Variants in HAUS6 observed in about 807,000 individuals in gnomAD.
HAUS6 encodes the protein HAUS augmin-like complex subunit 6.
HAUS6 carries 80 observed loss-of-function variants against 106.8 expected under a neutral mutation model. The observed-to-expected ratio is 0.75, with a 90% CI of 0.63 to 0.90. HAUS6 has a LOEUF of 0.90. Ranked by LOEUF, HAUS6 falls within the 40% of genes least tolerant of loss-of-function variation. The pLI is 0.00. For missense variants in HAUS6, 1,155 were observed against 1,118.1 expected (o/e 1.03, Z -0.47); for synonymous variants, 356 against 379.1 (o/e 0.94, Z 0.71).
At chr9:19,059,338 A>G (rs1836555502) in intron 15 of HAUS6, among the ~76,000 whole-genome samples, 2 of 152,250 alleles carry the variant, frequency 1.3e-5, no homozygotes, top group South Asian at 4.1e-4. Context: ...CCAGATAGCA[A>G]TATTTTAGGC....
rs756283139 is a variant in HAUS6, at chr9:19,076,620, A to T, written c.1276T>A (p.Tyr426Asn). The T allele has an allele frequency of 6.4e-7, 1 of 1,554,900 alleles. No individual in the cohort carries two copies. Among genetic ancestry groups the T allele is most frequent in the South Asian group, 1.1e-5 (1 of 88,512 alleles). The change falls in exon 11 of 17, where the codon TAT becomes AAT. Residue 426 changes from tyrosine to asparagine, a missense_variant. This residue lies in a region of HAUS6 where 761 missense variants were observed against 690.0 expected (regional missense o/e 1.10). Transcript: ENST00000380502. ...AACCAACCTGGAAGTGAAGCAGGAT[A>T]CTGACAAAGAATACTCTTTGCATAC... ...EVYAKSILCQ[Y>N]PASLPDAHKQ...
In HAUS6 at chr9:19,080,668, T is replaced by G; in HGVS notation, c.875A>C (p.His292Pro). Reference protein sequence around the residue: ...DKIEKQMFQLHIGNVYEAGKL... With the variant: ...DKIEKQMFQLPIGNVYEAGKL... ...TCCAGCCTCATAAACATTTCCTATG[T>G]GCAACTAAGGAATCAGGAGGAGAAA... is the stretch of plus-strand genomic sequence containing the variant. The change falls in exon 9 of 17, where the codon CAC (histidine) becomes CCC (proline). Residue 292 changes from histidine to proline, a missense_variant. Physicochemically the swap from His to Pro is moderately conservative, Grantham distance 77. Around this residue, in one of 3 missense-constraint regions of HAUS6, gnomAD observed 761 missense variants for 690.0 expected, o/e 1.10. Coordinates refer to ENST00000380502, the MANE Select transcript of HAUS6 (RefSeq NM_017645.5). 2 of 1,598,858 alleles carry G rather than the reference T, an allele frequency of 1.3e-6. No homozygotes were observed. The highest frequency in any genetic ancestry group is 1.7e-6 in the Non-Finnish European group (2 of 1,168,178).
At chr9:19,059,060 G>T (rs1189793069) in intron 15 of HAUS6, 59 bp from the exon 16 acceptor site, 3 of 899,282 alleles carry the variant, frequency 3.3e-6, no homozygotes, top group African/African-American at 1.7e-5. Flanking sequence ...AGCATGCAAT[G>T]AATCATTTTA....
chr9:19,096,033 A>T (rs971174740), intron 2 of HAUS6, among the ~76,000 whole-genome samples: 1 of 152,244 alleles, frequency 6.6e-6, no homozygotes, highest in Non-Finnish European at 1.5e-5. Context: ...AATCAAGTTC[A>T]TACGGATTGA....
At chr9:19,079,584 C>T (rs182936715) in intron 9 of HAUS6, among the ~76,000 whole-genome samples, 186 of 152,186 alleles carry the variant, frequency 1.2e-3, no homozygotes, top group African/African-American at 4.3e-3. Context: ...TTGAGTAGAA[C>T]TTTCACTCCC....
At chr9:19,086,240 G>A (rs904349106) in intron 7 of HAUS6, among the ~76,000 whole-genome samples, 1 of 151,996 alleles carries the variant, frequency 6.6e-6, no homozygotes, top group African/African-American at 2.4e-5. Flanking sequence ...GAACCCAGGA[G>A]GTGGAGGTTG....
intron 11 of HAUS6, 129 bp from the exon 12 acceptor site, chr9:19,070,429 G>C (rs544112947): frequency 1.9e-5 from 12 of 615,770 alleles, no homozygotes; most frequent in Admixed American, 5.9e-5. Flanking sequence ...AACACTAATA[G>C]GAAAACATAA....
intron 1 of HAUS6, among the ~76,000 whole-genome samples, chr9:19,101,158 C>G (rs191438471): frequency 2.0e-5 from 3 of 152,256 alleles, no homozygotes; most frequent in African/African-American, 4.8e-5. Context: ...CTGATCTGAT[C>G]CTTATACATT....
chr9:19,094,362 G>A lies in HAUS6; in HGVS notation c.258C>T (p.Asp86=), dbSNP rs1010125216. The A allele has an allele frequency of 5.0e-6, 8 of 1,608,712 alleles. No homozygotes were observed. Among genetic ancestry groups the A allele is most frequent in the Non-Finnish European group, 6.8e-6 (8 of 1,176,112 alleles). The part of the protein sequence containing the change: ...FCWPPFDQKS[D]TEFRKHCCEW... ...CACAGCAATGTTTTCGGAATTCAGT[G>A]TCACTTTTTTGGTCAAATGGGGGCC... The change falls in exon 3 of 17, where the codon GAC becomes GAT. Residue 86 remains aspartate, a synonymous_variant. Transcript: ENST00000380502.
chr9:19,056,468 A>G, intron 16 of HAUS6, 64 bp from the exon 17 acceptor site: 1 of 874,280 alleles, frequency 1.1e-6, no homozygotes, highest in Non-Finnish European at 1.9e-6. Flanking sequence ...ATAGATTCCA[A>G]GCAATAGCAA....
Position 19,096,705 on chromosome 9 carries a change from G to T in HAUS6, c.193C>A (p.Leu65Met). 6.5e-7 allele frequency: 1 copy of T among 1,544,036 alleles called. No homozygotes were observed. Among genetic ancestry groups the T allele is most frequent in the Non-Finnish European group, 8.8e-7 (1 of 1,134,080 alleles). The part of the protein sequence containing the change: ...HIISYFLFQV[L>M]DQSLTKEVFK... Reference sequence around the variant, plus strand: ...ACTTCTTTGGTGAGAGACTGGTCCAGAACTTGAAACAAAAAATAAGAAATT... The same window carrying T: ...ACTTCTTTGGTGAGAGACTGGTCCATAACTTGAAACAAAAAATAAGAAATT... Residue 65 changes from leucine to methionine, a missense_variant, in exon 2 of 17, where the codon CTG (leucine) becomes ATG (methionine). Around this residue, in one of 3 missense-constraint regions of HAUS6, gnomAD observed 761 missense variants for 690.0 expected, o/e 1.10. Transcript: ENST00000380502.
At position 19,056,503 on chromosome 9, in the gene HAUS6, C is replaced by G. The variant is rs1420401924; in HGVS notation, c.2807-99G>C. The G allele has an allele frequency of 2.2e-5, 15 of 688,160 alleles. No individual in the cohort carries two copies. The East Asian group carries it at 3.7e-4, about 17-fold the overall frequency. The allele number at this position is 688,160 out of a possible 1,614,324, so 42.6% of individuals were successfully genotyped here. ...AATTTTAGTCAATACAAAAAAGGTT[C>G]ATAGCTTTGCAAATACTTGATTATG... On this transcript the variant is annotated intron_variant, in intron 16 of 16. Coordinates refer to ENST00000380502, the MANE Select transcript of HAUS6 (RefSeq NM_017645.5).
intron 1 of HAUS6, among the ~76,000 whole-genome samples, chr9:19,097,846 G>C (rs1403405015): frequency 6.6e-6 from 1 of 150,982 alleles, no homozygotes; most frequent in Non-Finnish European, 1.5e-5. Flanking sequence ...AAGGAATCAA[G>C]AGTTAACTTA....
chr9:19,076,808 T>G (rs1452252259), intron 10 of HAUS6, 104 bp from the exon 11 acceptor site: 3 of 637,282 alleles, frequency 4.7e-6, no homozygotes, highest in African/African-American at 3.7e-5. Context: ...AATAAGAAAG[T>G]CAGAATTACC....
In HAUS6 at chr9:19,056,210, G is replaced by T. The variant is rs144178724; in HGVS notation, c.*133C>A. 1.8e-3 allele frequency: 993 copies of T among 560,962 alleles called. 4 individuals are homozygous for T. The highest frequency in any genetic ancestry group is 0.017 in the African/African-American group (911 of 53,690). The allele number at this position is 560,962 out of a possible 1,614,324, so 34.7% of individuals were successfully genotyped here. ...CTAAAAATATTAAAGAAGGCTAAAA[G>T]GCATTAGGAATTTTTTTAAACCTTG... On this transcript the variant is annotated 3_prime_UTR_variant, in exon 17 of 17. Coordinates refer to ENST00000380502, the MANE Select transcript of HAUS6 (RefSeq NM_017645.5).
chr9:19,087,028 G>T, intron 6 of HAUS6, 63 bp downstream of exon 6: 3 of 795,138 alleles, frequency 3.8e-6, no homozygotes, highest in Admixed American at 3.8e-5. Context: ...CTGTTTCCTA[G>T]CCTGTAAAAT....
At chr9:19,082,801 G>A in intron 8 of HAUS6, 72 bp downstream of exon 8, 2 of 775,442 alleles carry the variant, frequency 2.6e-6, no homozygotes, top group Non-Finnish European at 3.9e-6. Flanking sequence ...GAAAGCAGAA[G>A]AACATTGCAA....
At chr9:19,070,565 T>G (rs1471422385) in intron 11 of HAUS6, among the ~76,000 whole-genome samples, 1 of 152,214 alleles carries the variant, frequency 6.6e-6, no homozygotes, top group Non-Finnish European at 1.5e-5. Flanking sequence ...AATTCCCCAG[T>G]GTTATATGCT....
rs12349748 is a variant in HAUS6 at position 19,090,957 on chromosome 9, C to T, written c.437-1398G>A. Among the ~76,000 whole-genome samples the T allele has an allele frequency of 9.4e-3, 1,426 of 152,248 alleles. 13 individuals carry two copies. Among genetic ancestry groups the T allele is most frequent in the South Asian group, 0.025 (122 of 4,826 alleles). Reference sequence around the variant, plus strand: ...TGAATATTCTGAAAATCAGGGACTTCCACAATGTATTAACATTGCTTATCC... The same window carrying T: ...TGAATATTCTGAAAATCAGGGACTTTCACAATGTATTAACATTGCTTATCC... On this transcript the variant is annotated intron_variant, in intron 4 of 16. Coordinates refer to ENST00000380502, the MANE Select transcript of HAUS6 (RefSeq NM_017645.5).
Sources: gnomAD v4.1 joint callset for allele counts (sites outside exome capture counted in the v4.1 genomes callset) on GRCh38, gnomAD v4.1.1 for gene constraint, gnomAD v4.1.1 regional missense constraint, MANE v1.5 for transcripts, NCBI Gene and HGNC (gene_info 2026-07-23, HGNC 2026-07-21) for gene names.